The following MAP2K5 variants were observed in gnomAD, a reference collection of about 807,000 sequenced individuals.
MAP2K5 encodes the protein dual specificity mitogen-activated protein kinase kinase 5.
In MAP2K5, 49 loss-of-function variants were observed where a neutral mutation model predicts 83.1. The observed-to-expected ratio is 0.59, with a 90% CI of 0.47 to 0.75. The LOEUF (loss-of-function observed/expected upper bound fraction) is 0.75, where lower values mean the gene tolerates loss of function less well. Ranked by LOEUF, MAP2K5 falls within the 30% of genes least tolerant of loss-of-function variation. The pLI is 0.00. For missense variants in MAP2K5, 457 were observed against 557.5 expected, an observed-to-expected ratio of 0.82 and a Z score of 1.82; for synonymous variants, 202 against 191.8, an observed-to-expected ratio of 1.05 and a Z score of -0.44.
At chr15:67,586,070 G>C in intron 5 of MAP2K5, 140 bp downstream of exon 5, 1 of 745,694 alleles carries the variant, frequency 1.3e-6, no homozygotes, top group Non-Finnish European at 2.4e-6. Context: ...GGAGGTGGAG[G>C]GGGATTCATC....
rs1011691966 is a variant in MAP2K5, at chr15:67,747,955, G to A, written c.1075-276G>A. On this transcript the variant is annotated intron_variant, in intron 17 of 21. Transcript: ENST00000178640. The surrounding 1 kb of genome is among the most constrained non-coding windows in gnomAD (Gnocchi z 4.1). ...ATAAAACATTATTTATATCTGAATC[G>A]TAAACAGCCTTTTGAAATGGATTAT... 5.9e-5 allele frequency among the ~76,000 whole-genome samples: 9 copies of A among 152,148 alleles called. No individual in the cohort carries two copies. The highest frequency in any genetic ancestry group is 1.2e-4 in the African/African-American group (5 of 41,434).
rs2589977 is a variant in MAP2K5, at chr15:67,587,332, C to T, written c.431+419C>T. Among the ~76,000 whole-genome samples, 24,723 of 152,022 alleles carry T rather than the reference C, an allele frequency of 0.16. 2,778 individuals are homozygous for T. Among genetic ancestry groups the T allele is most frequent in the African/African-American group, 0.31 (12,941 of 41,426 alleles). On this transcript the variant is annotated intron_variant, in intron 6 of 21. Coordinates refer to ENST00000178640, the MANE Select transcript of MAP2K5 (RefSeq NM_145160.3). This position sits in a 1 kb window ranked among gnomAD's most constrained non-coding sequence, Gnocchi z 4.8. ...AGACAGGACTTATCATGCGGGGCCTCGTAGGCCCTGTAATGTTTGAATTTT... is the reference window on the plus strand; with the variant it reads ...AGACAGGACTTATCATGCGGGGCCTTGTAGGCCCTGTAATGTTTGAATTTT...
intron 9 of MAP2K5, among the ~76,000 whole-genome samples, chr15:67,639,325 T>A (rs2086664895): frequency 6.6e-6 from 1 of 152,250 alleles, no homozygotes; most frequent in African/African-American, 2.4e-5. Context: ...TTTGAATTGT[T>A]CTCAGTAAAT....
At chr15:67,649,841 T>G (rs1407777711) in intron 11 of MAP2K5, among the ~76,000 whole-genome samples, 1 of 152,206 alleles carries the variant, frequency 6.6e-6, no homozygotes, top group Non-Finnish European at 1.5e-5. Flanking sequence ...CCTAGCATTT[T>G]CATTTGAATT....
intron 14 of MAP2K5, 131 bp from the exon 15 acceptor site, chr15:67,693,386 TA>T (rs2088164798): frequency 4.8e-5 from 34 of 702,546 alleles, no homozygotes; most frequent in Non-Finnish European, 8.0e-5. Context: ...CCTTTGTAGA[TA>T]AATTTGTTCC....
intron 7 of MAP2K5, among the ~76,000 whole-genome samples, chr15:67,600,429 A>G (rs2085629809): frequency 2.0e-5 from 3 of 152,206 alleles, no homozygotes; most frequent in Non-Finnish European, 2.9e-5. Flanking sequence ...ATGTTGTATC[A>G]TTCCATTTTG....
At chr15:67,628,776 G>A (rs1443880552) in intron 8 of MAP2K5, 4 of 755,592 alleles carry the variant, frequency 5.3e-6, no homozygotes, top group East Asian at 2.4e-5. Flanking sequence ...GGAAACTTTG[G>A]TGGTGGTTGT....
At chr15:67,622,386 A>G (rs1449622758) in intron 8 of MAP2K5, among the ~76,000 whole-genome samples, 1 of 152,218 alleles carries the variant, frequency 6.6e-6, no homozygotes, top group Non-Finnish European at 1.5e-5. Context: ...AGCAGAGATC[A>G]GTGAGGTAAC....
intron 8 of MAP2K5, chr15:67,629,200 T>A: frequency 1.5e-6 from 1 of 654,900 alleles, no homozygotes; most frequent in South Asian, 1.4e-5. Context: ...AAGCTACAGG[T>A]TACAACAGAT....
intron 16 of MAP2K5, among the ~76,000 whole-genome samples, chr15:67,718,624 C>T (rs911240363): frequency 4.6e-5 from 7 of 151,948 alleles, no homozygotes; most frequent in African/African-American, 9.7e-5. Context: ...ATTAGCCAGG[C>T]GTGGTGGTAT....
rs543581256 is a variant in MAP2K5, at chr15:67,699,051, G to A, written c.973-4286G>A. 2.6e-5 allele frequency among the ~76,000 whole-genome samples: 4 copies of A among 152,092 alleles called. No individual in the cohort carries two copies. In the South Asian group the frequency reaches 8.3e-4, roughly 32 times the overall value. On this transcript the variant is annotated intron_variant, in intron 15 of 21. Transcript: ENST00000178640. ...CACATAGTAAAAGGCAATTTAATGAGGACATCAGCTTCTAGTTTCTGCTAA... is the reference window on the plus strand; with the variant it reads ...CACATAGTAAAAGGCAATTTAATGAAGACATCAGCTTCTAGTTTCTGCTAA...
At chr15:67,595,797 G>A (rs1646440507) in intron 7 of MAP2K5, among the ~76,000 whole-genome samples, 1 of 152,082 alleles carries the variant, frequency 6.6e-6, no homozygotes, top group Non-Finnish European at 1.5e-5. Context: ...TCTCACTGAT[G>A]TGTTTTCTGG....
At chr15:67,629,476 AT>A (rs1284453528) in intron 8 of MAP2K5, among the ~76,000 whole-genome samples, 2 of 152,194 alleles carry the variant, frequency 1.3e-5, no homozygotes, top group African/African-American at 2.4e-5. Context: ...TTTTAAAAAA[AT>A]ATTTGTCAGA....
chr15:67,736,257 G>A lies in MAP2K5; in HGVS notation c.1074+8312G>A, dbSNP rs2089339207. 6.6e-6 allele frequency among the ~76,000 whole-genome samples: 1 copy of A among 152,210 alleles called. No individual in the cohort carries two copies. Among genetic ancestry groups the A allele is most frequent in the Admixed American group, 6.5e-5 (1 of 15,278 alleles). On this transcript the variant is annotated intron_variant, in intron 17 of 21. Coordinates refer to ENST00000178640, the MANE Select transcript of MAP2K5 (RefSeq NM_145160.3). The surrounding 1 kb of genome is among the most constrained non-coding windows in gnomAD (Gnocchi z 4.3). ...CATGACTGGGGCTGATCTGAGGTTG[G>A]AAGTCATTGCATTTTAAGGTCTCTG...
intron 16 of MAP2K5, among the ~76,000 whole-genome samples, chr15:67,707,089 G>A (rs1274875944): frequency 1.3e-5 from 2 of 152,092 alleles, no homozygotes. Flanking sequence ...ATAATTTTTT[G>A]TATTTTTAGT....
chr15:67,632,274 A>AT (rs1243284233), intron 9 of MAP2K5, among the ~76,000 whole-genome samples: 2 of 151,468 alleles, frequency 1.3e-5, no homozygotes, highest in Non-Finnish European at 2.9e-5. Context: ...AATTTTCTTT[A>AT]TTTTTTGTAG....
intron 8 of MAP2K5, among the ~76,000 whole-genome samples, chr15:67,623,407 G>GT: frequency 6.6e-6 from 1 of 152,278 alleles, no homozygotes; most frequent in East Asian, 1.9e-4. Context: ...AATACTACGT[G>GT]TTTAAGTTTT....
At chr15:67,581,065 C>T (rs1489314441) in intron 4 of MAP2K5, among the ~76,000 whole-genome samples, 1 of 152,128 alleles carries the variant, frequency 6.6e-6, no homozygotes, top group Non-Finnish European at 1.5e-5. Flanking sequence ...TACATACTTA[C>T]ATTAGCTTAA....
At chr15:67,683,911 A>AG (rs2087884633) in intron 13 of MAP2K5, among the ~76,000 whole-genome samples, 1 of 152,250 alleles carries the variant, frequency 6.6e-6, no homozygotes, top group Admixed American at 6.5e-5. Flanking sequence ...AGGCAATGTG[A>AG]GACAGTGATC....
Sources: allele counts gnomAD v4.1 joint callset (sites outside exome capture counted in the v4.1 genomes callset), GRCh38; gene constraint gnomAD v4.1.1; non-coding constraint Gnocchi (gnomAD v3.1); transcripts MANE v1.5; gene names NCBI Gene and HGNC (gene_info 2026-07-23, HGNC 2026-07-21).